Variants in RALGAPA2 observed in about 807,000 individuals in gnomAD.
RALGAPA2 encodes the protein Ral GTPase activating protein catalytic subunit alpha 2, also known as ral GTPase-activating protein subunit alpha-2.
A neutral mutation model predicts 230.4 loss-of-function variants in RALGAPA2; 139 were observed. That is an observed-to-expected ratio of 0.60 (90% CI 0.53 to 0.69). The LOEUF is 0.69. Among genes scored for constraint, RALGAPA2 ranks in the 30% least tolerant of loss-of-function variants. The probability of loss-of-function intolerance (pLI) is 0.00; values close to 1 mark genes in which losing one functional copy is unlikely to be tolerated. For synonymous variants in RALGAPA2, 847 were observed against 837.8 expected, an observed-to-expected ratio of 1.01 and a Z score of -0.19; for missense variants, 2,163 against 2,276.0, an observed-to-expected ratio of 0.95 and a Z score of 1.01.
chr20:20,438,119 T>C (rs1370141778), intron 37 of RALGAPA2, among the ~76,000 whole-genome samples: 1 of 152,232 alleles, frequency 6.6e-6, no homozygotes, highest in Non-Finnish European at 1.5e-5. Context: ...TCCTATCCTC[T>C]AGCTGAAATG....
At chr20:20,422,775 C>T (rs1029759580) in intron 37 of RALGAPA2, among the ~76,000 whole-genome samples, 5 of 152,168 alleles carry the variant, frequency 3.3e-5, no homozygotes, top group Admixed American at 6.5e-5. Context: ...CCATGTGCCG[C>T]GACTGTTCTA....
At chr20:20,591,691 C>T (rs1482221319) in intron 16 of RALGAPA2, among the ~76,000 whole-genome samples, 1 of 152,080 alleles carries the variant, frequency 6.6e-6, no homozygotes, top group African/African-American at 2.4e-5. Flanking sequence ...AAACCACACA[C>T]ACACACACAC....
chr20:20,635,613 G>GAT lies in RALGAPA2; in HGVS notation c.808_809dup (p.Pro271SerfsTer4). 1 of 1,534,092 alleles carries GAT rather than the reference G, an allele frequency of 6.5e-7. No individual in the cohort carries two copies. Among genetic ancestry groups the GAT allele is most frequent in the Non-Finnish European group, 8.7e-7 (1 of 1,144,288 alleles). ...ACACAGGCTTTGGTCTCAAATGGGG[G>GAT]ATGTCTGGTAGAAGAAAGAACACAT... On this transcript the variant is annotated frameshift_variant, in exon 9 of 40. Coordinates refer to ENST00000202677, the MANE Select transcript of RALGAPA2 (RefSeq NM_020343.4). LOFTEE classifies it high-confidence loss of function.
intron 31 of RALGAPA2, 22 bp from the exon 32 acceptor site, chr20:20,513,306 CAT>C (rs763553927): frequency 1.4e-6 from 2 of 1,386,894 alleles, no homozygotes; most frequent in East Asian, 5.1e-5. Flanking sequence ...GGTAAAGAAA[CAT>C]AAAGAGTCAG....
At chr20:20,470,491 T>A (rs979622666) in intron 37 of RALGAPA2, among the ~76,000 whole-genome samples, 1 of 152,140 alleles carries the variant, frequency 6.6e-6, no homozygotes, top group African/African-American at 2.4e-5. Flanking sequence ...CTGCCTGATG[T>A]CAGGTGCAAT....
chr20:20,589,440 T>C (rs920376470), intron 17 of RALGAPA2, 75 bp from the exon 18 acceptor site: 2 of 1,390,910 alleles, frequency 1.4e-6, no homozygotes, highest in East Asian at 2.5e-5. Flanking sequence ...AATGATTTTA[T>C]ATATAGGTAA....
chr20:20,534,570 A>T (rs1462127839), intron 26 of RALGAPA2, among the ~76,000 whole-genome samples: 2 of 152,060 alleles, frequency 1.3e-5, no homozygotes, highest in South Asian at 2.1e-4. Context: ...AAAAAAGTAG[A>T]AGAAGAAGAA....
intron 38 of RALGAPA2, among the ~76,000 whole-genome samples, chr20:20,408,833 TAG>T (rs2060000084): frequency 6.6e-6 from 1 of 152,236 alleles, no homozygotes; most frequent in South Asian, 2.1e-4. Flanking sequence ...GGCTACATTT[TAG>T]ATTATTTAAT....
chr20:20,572,578 C>T (rs1455438414), intron 21 of RALGAPA2, among the ~76,000 whole-genome samples: 1 of 151,872 alleles, frequency 6.6e-6, no homozygotes, highest in Non-Finnish European at 1.5e-5. Context: ...CTACATTTTT[C>T]AAATTGTATA....
At chr20:20,481,969 A>G (rs2061787228) in intron 36 of RALGAPA2, among the ~76,000 whole-genome samples, 1 of 152,206 alleles carries the variant, frequency 6.6e-6, no homozygotes, top group East Asian at 1.9e-4. Flanking sequence ...AAACCAAACA[A>G]TTTTGAGATA....
intron 20 of RALGAPA2, among the ~76,000 whole-genome samples, chr20:20,576,163 C>G (rs905489163): frequency 2.0e-5 from 3 of 152,010 alleles, no homozygotes; most frequent in African/African-American, 4.8e-5. Flanking sequence ...AATATAGTTT[C>G]CATATACTCC....
intron 1 of RALGAPA2, among the ~76,000 whole-genome samples, chr20:20,700,144 A>G (rs2069289151): frequency 6.6e-6 from 1 of 152,190 alleles, no homozygotes; most frequent in Non-Finnish European, 1.5e-5. Flanking sequence ...GAATGAAATC[A>G]TGTCTTCTAC....
In RALGAPA2 at chr20:20,639,917, T is replaced by C; in HGVS notation, c.551-17A>G. 3 of 1,543,574 alleles carry C rather than the reference T, an allele frequency of 1.9e-6. No individual in the cohort carries two copies. The highest frequency in any genetic ancestry group is 2.7e-6 in the Non-Finnish European group (3 of 1,117,238). ...ATATCTTTACTGAAAGGACAGAAAATGATGACAGCTCATTCACCAAAGTTA... is the reference window on the plus strand; with the variant it reads ...ATATCTTTACTGAAAGGACAGAAAACGATGACAGCTCATTCACCAAAGTTA... On this transcript the variant is annotated splice_polypyrimidine_tract_variant and intron_variant, in intron 6 of 39. Coordinates refer to ENST00000202677, the MANE Select transcript of RALGAPA2 (RefSeq NM_020343.4).
intron 33 of RALGAPA2, among the ~76,000 whole-genome samples, chr20:20,508,021 C>T (rs1009482542): frequency 6.6e-6 from 1 of 152,190 alleles, no homozygotes; most frequent in Non-Finnish European, 1.5e-5. Context: ...AGTTTATTCT[C>T]CTTAAAAATC....
rs146613134 is a variant in RALGAPA2, at chr20:20,674,734, G to A, written c.270+1502C>T. Among the ~76,000 whole-genome samples, 541 of 152,274 alleles carry A rather than the reference G, an allele frequency of 3.6e-3. 5 individuals are homozygous for A. The highest frequency in any genetic ancestry group is 0.012 in the African/African-American group (490 of 41,524). On this transcript the variant is annotated intron_variant, in intron 3 of 39. Coordinates refer to ENST00000202677, the MANE Select transcript of RALGAPA2 (RefSeq NM_020343.4). ...TAATGTTGAGGGTAAAAAGCATGTC[G>A]AAGGTGATTATGTACCATAGGAGAT...
intron 37 of RALGAPA2, among the ~76,000 whole-genome samples, chr20:20,429,318 C>T (rs2060454273): frequency 1.3e-5 from 2 of 152,152 alleles, no homozygotes; most frequent in African/African-American, 4.8e-5. Flanking sequence ...ATGTTCAGTG[C>T]TAAATTAATC....
chr20:20,436,744 G>A (rs1383250658), intron 37 of RALGAPA2, among the ~76,000 whole-genome samples: 1 of 152,248 alleles, frequency 6.6e-6, no homozygotes, highest in African/African-American at 2.4e-5. Context: ...CCCTGGCCTA[G>A]TCGGGTGAGT....
intron 37 of RALGAPA2, among the ~76,000 whole-genome samples, chr20:20,451,266 C>T (rs1048672858): frequency 3.3e-5 from 5 of 152,154 alleles, no homozygotes; most frequent in African/African-American, 1.2e-4. Context: ...GTTAGATGTG[C>T]ATTTGAATTC....
At chr20:20,418,648 G>A (rs1432098289) in intron 37 of RALGAPA2, among the ~76,000 whole-genome samples, 1 of 152,206 alleles carries the variant, frequency 6.6e-6, no homozygotes, top group African/African-American at 2.4e-5. Flanking sequence ...CTATAGGCAT[G>A]TGTATTAATA....
Sources: allele counts gnomAD v4.1 joint callset (sites outside exome capture counted in the v4.1 genomes callset), GRCh38; gene constraint gnomAD v4.1.1; transcripts MANE v1.5; gene names NCBI Gene and HGNC (gene_info 2026-07-23, HGNC 2026-07-21).